Variants in MAD1L1 observed in about 807,000 individuals in gnomAD.
MAD1L1 encodes the protein mitotic spindle assembly checkpoint protein MAD1.
Under a neutral mutation model 96.9 loss-of-function variants are expected in MAD1L1, and 95 were observed. That is an observed-to-expected ratio of 0.98 (90% CI 0.83 to 1.16). The LOEUF is 1.16. Ranked by LOEUF, MAD1L1 falls within the 50% of genes most tolerant of loss-of-function variation. MAD1L1 has a pLI of 0.00. For synonymous variants in MAD1L1, 473 were observed against 396.6 expected, an observed-to-expected ratio of 1.19 and a Z score of -2.29; for missense variants, 1,007 against 954.4, an observed-to-expected ratio of 1.06 and a Z score of -0.73.
At chr7:2,087,332 G>A (rs540845002) in intron 11 of MAD1L1, among the ~76,000 whole-genome samples, 1 of 152,264 alleles carries the variant, frequency 6.6e-6, no homozygotes, top group African/African-American at 2.4e-5. Flanking sequence ...TTGAGGTCAG[G>A]AGTTCAAGAC....
intron 18 of MAD1L1, among the ~76,000 whole-genome samples, chr7:1,895,246 G>A (rs1786792953): frequency 6.6e-6 from 1 of 152,230 alleles, no homozygotes; most frequent in African/African-American, 2.4e-5. Flanking sequence ...GATGGACCAA[G>A]GTGGGGTCTT....
chr7:1,858,082 C>CT (rs545968530), intron 18 of MAD1L1, among the ~76,000 whole-genome samples: 134 of 152,168 alleles, frequency 8.8e-4, no homozygotes, highest in Non-Finnish European at 1.5e-3. Flanking sequence ...CATGTGACTG[C>CT]TTTTTTTTAA....
chr7:2,211,988 G>A (rs892685622), intron 10 of MAD1L1, among the ~76,000 whole-genome samples: 4 of 152,298 alleles, frequency 2.6e-5, no homozygotes, highest in East Asian at 3.9e-4. Context: ...CCTGAGCCCC[G>A]GGCTCTGATG....
intron 15 of MAD1L1, among the ~76,000 whole-genome samples, chr7:1,966,000 C>G (rs1780151578): frequency 6.6e-6 from 1 of 152,232 alleles, no homozygotes; most frequent in Non-Finnish European, 1.5e-5. Context: ...CCCATCCACA[C>G]TGGCATCTGA....
At chr7:1,878,518 A>G (rs1785501474) in intron 18 of MAD1L1, among the ~76,000 whole-genome samples, 3 of 152,006 alleles carry the variant, frequency 2.0e-5, no homozygotes, top group East Asian at 3.8e-4. Flanking sequence ...ATCAACCAGT[A>G]TTACTTACAA....
intron 16 of MAD1L1, among the ~76,000 whole-genome samples, chr7:1,941,180 G>A (rs929028862): frequency 1.1e-4 from 17 of 152,258 alleles, no homozygotes; most frequent in Admixed American, 2.0e-4. Flanking sequence ...TGCGCCCAGC[G>A]CTGGCGTTGG....
rs150515308 is a variant in MAD1L1 at position 1,856,990 on chromosome 7, T to A, written c.1999-40762A>T. 2.5e-3 allele frequency among the ~76,000 whole-genome samples: 377 copies of A among 152,074 alleles called. 2 individuals carry two copies. Among genetic ancestry groups the A allele is most frequent in the African/African-American group, 8.3e-3 (343 of 41,558 alleles). On this transcript the variant is annotated intron_variant, in intron 18 of 18. Coordinates refer to ENST00000265854, the MANE Select transcript of MAD1L1 (RefSeq NM_001013836.2). ...ACCCCCCAGGAAACCCTGACTGTGC[T>A]GGACCCTGCTGGTCACGCCTCCTGC...
intron 12 of MAD1L1, among the ~76,000 whole-genome samples, chr7:2,044,557 C>G (rs918304813): frequency 1.3e-5 from 2 of 152,298 alleles, no homozygotes; most frequent in Middle Eastern, 3.4e-3. Context: ...CCAAATGGTT[C>G]AGCAGGGCAC....
rs35521857 is a variant in MAD1L1 at position 1,889,807 on chromosome 7, C to T, written c.1998+8393G>A. ...CTCACCTTCTAAGCAAGCATGGTGGCTCCAGACCCAGCTAATTCCTTCCCC... is the reference window on the plus strand; with the variant it reads ...CTCACCTTCTAAGCAAGCATGGTGGTTCCAGACCCAGCTAATTCCTTCCCC... On this transcript the variant is annotated intron_variant, in intron 18 of 18. Transcript: ENST00000265854. Among the ~76,000 whole-genome samples the T allele has an allele frequency of 7.2e-3, 1,093 of 152,344 alleles. 9 individuals are homozygous for T. The highest frequency in any genetic ancestry group is 0.02 in the Middle Eastern group (6 of 294).
chr7:2,158,142 C>A (rs751470194), intron 10 of MAD1L1, among the ~76,000 whole-genome samples: 1 of 152,186 alleles, frequency 6.6e-6, no homozygotes, highest in African/African-American at 2.4e-5. Flanking sequence ...GGAAGAAAGT[C>A]TTTTTGTTCT....
At position 2,119,003 on chromosome 7, in the gene MAD1L1, G is replaced by A. The variant is rs1234827777; in HGVS notation, c.1073+30149C>T. 2.6e-5 allele frequency among the ~76,000 whole-genome samples: 4 copies of A among 152,060 alleles called. No individual in the cohort carries two copies. The highest frequency in any genetic ancestry group is 9.7e-5 in the African/African-American group (4 of 41,416). On this transcript the variant is annotated intron_variant, in intron 11 of 18. Coordinates refer to ENST00000265854, the MANE Select transcript of MAD1L1 (RefSeq NM_001013836.2). The surrounding 1 kb of genome is among the most constrained non-coding windows in gnomAD (Gnocchi z 4.6). ...AAGCTCCACACGCCCAGCTGCCTGG[G>A]CTCGCCCCAGCCTCCAGCCCCACGT...
chr7:2,175,314 C>T (rs368082819), intron 10 of MAD1L1: 20 of 152,196 alleles, frequency 1.3e-4, no homozygotes, highest in African/African-American at 4.8e-4. Context: ...GTCACAGCTC[C>T]CAAGCGTGGT....
At chr7:2,042,648 G>C (rs774253828) in intron 12 of MAD1L1, among the ~76,000 whole-genome samples, 8 of 152,176 alleles carry the variant, frequency 5.3e-5, no homozygotes, top group Non-Finnish European at 8.8e-5. Flanking sequence ...CCCGAGTGAG[G>C]AGTGTTGTTG....
At position 1,846,994 on chromosome 7, in the gene MAD1L1, T is replaced by A. The variant is rs372403750; in HGVS notation, c.1999-30766A>T. The A allele has an allele frequency of 2.1e-5, 7 of 329,446 alleles. No individual in the cohort carries two copies. In the East Asian group the frequency reaches 4.5e-4, roughly 21 times the overall value. The allele number at this position is 329,446 out of a possible 1,614,324, so 20.4% of individuals were successfully genotyped here. The stretch of plus-strand genomic sequence containing the variant: ...TCCTGCTGATGGCTCCGCGTTTTCA[T>A]TGACCACATTCATTACAAAGAGACA... On this transcript the variant is annotated intron_variant, in intron 18 of 18. Transcript: ENST00000265854.
intron 18 of MAD1L1, among the ~76,000 whole-genome samples, chr7:1,893,114 C>A (rs1343228171): frequency 1.3e-5 from 2 of 152,180 alleles, no homozygotes; most frequent in Non-Finnish European, 2.9e-5. Flanking sequence ...AATCTCTATC[C>A]CCTCTCAGGA....
At chr7:1,850,824 G>A (rs1783930184) in intron 18 of MAD1L1, among the ~76,000 whole-genome samples, 1 of 152,200 alleles carries the variant, frequency 6.6e-6, no homozygotes, top group Admixed American at 6.5e-5. Flanking sequence ...CGTGCACAGA[G>A]CAGCCTCAGA....
intron 14 of MAD1L1, among the ~76,000 whole-genome samples, chr7:1,997,622 C>A (rs1429849510): frequency 1.3e-5 from 2 of 152,274 alleles, no homozygotes; most frequent in Non-Finnish European, 2.9e-5. Flanking sequence ...GCACCTGTAA[C>A]CCCCGGGAAG....
intron 15 of MAD1L1, among the ~76,000 whole-genome samples, chr7:1,972,478 T>C (rs1780448469): frequency 6.6e-6 from 1 of 152,204 alleles, no homozygotes; most frequent in African/African-American, 2.4e-5. Flanking sequence ...GTTTGTGGCA[T>C]AACACCCTCT....
chr7:2,131,378 G>A (rs1453476417), intron 11 of MAD1L1, among the ~76,000 whole-genome samples: 4 of 152,238 alleles, frequency 2.6e-5, no homozygotes, highest in African/African-American at 9.6e-5. Context: ...TCTATTCATG[G>A]TGAGGAAATA....
Sources: allele counts gnomAD v4.1 joint callset (sites outside exome capture counted in the v4.1 genomes callset), GRCh38; gene constraint gnomAD v4.1.1; non-coding constraint Gnocchi (gnomAD v3.1); transcripts MANE v1.5; gene names NCBI Gene and HGNC (gene_info 2026-07-23, HGNC 2026-07-21).